FAM184A: variants seen among roughly 807,000 people sequenced by gnomAD.
FAM184A encodes protein FAM184A.
Under a neutral mutation model 143.8 loss-of-function variants are expected in FAM184A, and 99 were observed. The observed-to-expected ratio is 0.69, with a 90% confidence interval of 0.58 to 0.81. The LOEUF (loss-of-function observed/expected upper bound fraction) is 0.81, where lower values mean the gene tolerates loss of function less well. Among genes scored for constraint, FAM184A ranks in the 40% least tolerant of loss-of-function variants. The probability of loss-of-function intolerance (pLI) is 0.00; values close to 1 mark genes in which losing one functional copy is unlikely to be tolerated. For synonymous variants in FAM184A, 427 were observed against 446.4 expected (o/e 0.96, Z 0.55); for missense variants, 1,217 against 1,310.5 (o/e 0.93, Z 1.10).
chr6:119,100,699 G>A lies in FAM184A; in HGVS notation c.-202+48379C>T, dbSNP rs1050407159. On this transcript the variant is annotated intron_variant, in intron 1 of 16. Transcript: ENST00000352896. ...AGGCTGGATGCAGTGGCTCATGCTTGTAATCCCAGCACTTTGGGAGGCCGA... is the reference window on the plus strand; with the variant it reads ...AGGCTGGATGCAGTGGCTCATGCTTATAATCCCAGCACTTTGGGAGGCCGA... 3.3e-5 allele frequency among the ~76,000 whole-genome samples: 5 copies of A among 151,740 alleles called. 1 individual carries two copies. The highest frequency in any genetic ancestry group is 1.2e-4 in the African/African-American group (5 of 41,022).
At position 118,975,015 on chromosome 6, in the gene FAM184A, A is replaced by G. The variant is rs1409114233; in HGVS notation, c.2768+9T>C. 6.2e-7 allele frequency: 1 copy of G among 1,604,790 alleles called. No individual in the cohort carries two copies. The highest frequency in any genetic ancestry group is 2.2e-5 in the East Asian group (1 of 44,742). On this transcript the variant is annotated intron_variant, in intron 13 of 17. Transcript: ENST00000338891. Reference sequence around the variant, plus strand: ...CTGCATATTCCTTCTGTTGTACTTAATGGCATACCTTATCTGTTGGTTAGA... The same window carrying G: ...CTGCATATTCCTTCTGTTGTACTTAGTGGCATACCTTATCTGTTGGTTAGA...
At chr6:119,027,397 A>G (rs1356144584) in intron 1 of FAM184A, among the ~76,000 whole-genome samples, 4 of 152,176 alleles carry the variant, frequency 2.6e-5, no homozygotes, top group Admixed American at 6.5e-5. Context: ...TGGTTTACAT[A>G]AGAAATATAT....
At chr6:119,129,876 T>C (rs996634951) in intron 1 of FAM184A, among the ~76,000 whole-genome samples, 1 of 152,182 alleles carries the variant, frequency 6.6e-6, no homozygotes, top group African/African-American at 2.4e-5. Flanking sequence ...ATCAGAAGCT[T>C]TGGGGATGTG....
At position 119,106,554 on chromosome 6, in the gene FAM184A, C is replaced by T. The variant is rs1398472037; in HGVS notation, c.-202+42524G>A. Among the ~76,000 whole-genome samples, 3 of 152,226 alleles carry T rather than the reference C, an allele frequency of 2.0e-5. No individual in the cohort carries two copies. In the East Asian group the frequency reaches 5.8e-4, roughly 29 times the overall value. ...GTAAGCCAACTACTGGCTATGCCATCAGGCTATTAGTTTAACTTTTATAAC... is the reference window on the plus strand; with the variant it reads ...GTAAGCCAACTACTGGCTATGCCATTAGGCTATTAGTTTAACTTTTATAAC... On this transcript the variant is annotated intron_variant, in intron 1 of 16. Transcript: ENST00000352896.
At chr6:119,043,790 T>A (rs1211207670) in intron 1 of FAM184A, among the ~76,000 whole-genome samples, 1 of 152,238 alleles carries the variant, frequency 6.6e-6, no homozygotes, top group Non-Finnish European at 1.5e-5. Context: ...CAAACAGTGG[T>A]CTGCAACCTG....
chr6:118,968,153 G>A (rs551198088), intron 14 of FAM184A, among the ~76,000 whole-genome samples: 3 of 152,314 alleles, frequency 2.0e-5, no homozygotes, highest in South Asian at 2.1e-4. Context: ...AGATCAGTGC[G>A]AGGTAAGTTG....
At chr6:119,136,487 C>A (rs1049665059) in intron 1 of FAM184A, among the ~76,000 whole-genome samples, 1 of 151,986 alleles carries the variant, frequency 6.6e-6, no homozygotes, top group African/African-American at 2.4e-5. Context: ...ATTTGATAGA[C>A]CCATGTGTCA....
At chr6:119,033,664 CAAA>C (rs532353203) in intron 1 of FAM184A, among the ~76,000 whole-genome samples, 3 of 110,214 alleles carry the variant, frequency 2.7e-5, no homozygotes, top group Admixed American at 9.6e-5. Context: ...GACTCCGTCT[CAAA>C]AAAAAAAAAA....
chr6:119,047,545 G>A lies in FAM184A; in HGVS notation c.160-22732C>T, dbSNP rs185861035. On this transcript the variant is annotated intron_variant, in intron 1 of 17. Transcript: ENST00000338891. Reference sequence around the variant, plus strand: ...ACACAATTGCAAAGATGAAGGGGACGTTACCACTGATCCCACAGAAATAAA... The same window carrying A: ...ACACAATTGCAAAGATGAAGGGGACATTACCACTGATCCCACAGAAATAAA... Among the ~76,000 whole-genome samples, 7 of 152,126 alleles carry A rather than the reference G, an allele frequency of 4.6e-5. No individual in the cohort carries two copies. In the South Asian group the frequency reaches 6.2e-4, roughly 14 times the overall value.
intron 6 of FAM184A, among the ~76,000 whole-genome samples, chr6:119,008,630 CA>C (rs2114653265): frequency 6.6e-6 from 1 of 152,074 alleles, no homozygotes. Context: ...CTGTCATTTG[CA>C]ATAGAAATAA....
chr6:118,966,802 TA>T, intron 15 of FAM184A, 32 bp downstream of exon 15: 2 of 1,036,242 alleles, frequency 1.9e-6, no homozygotes, highest in Non-Finnish European at 2.9e-6. Context: ...TATTGATTAC[TA>T]ACATGGTTAG....
At chr6:119,021,259 A>G (rs987166028) in intron 3 of FAM184A, among the ~76,000 whole-genome samples, 1 of 152,228 alleles carries the variant, frequency 6.6e-6, no homozygotes, top group African/African-American at 2.4e-5. Flanking sequence ...AATCAAAATC[A>G]AATGAGATCC....
At chr6:119,128,219 G>C (rs142988410) in intron 1 of FAM184A, among the ~76,000 whole-genome samples, 118 of 152,280 alleles carry the variant, frequency 7.7e-4, no homozygotes, top group African/African-American at 2.6e-3. Context: ...ACAAGAATTG[G>C]TGGGAAGAAA....
chr6:119,138,475 A>G (rs942942739), intron 1 of FAM184A, among the ~76,000 whole-genome samples: 1 of 152,192 alleles, frequency 6.6e-6, no homozygotes, highest in Non-Finnish European at 1.5e-5. Context: ...ACCAGCTTCT[A>G]GAAGCGACCT....
At chr6:119,062,602 G>A (rs934054120) in intron 1 of FAM184A, among the ~76,000 whole-genome samples, 1 of 152,156 alleles carries the variant, frequency 6.6e-6, no homozygotes, top group Admixed American at 6.5e-5. Context: ...TGAGGCTGCA[G>A]TGAGCTGTGA....
At chr6:119,072,959 C>T (rs1196219829) in intron 1 of FAM184A, among the ~76,000 whole-genome samples, 1 of 152,074 alleles carries the variant, frequency 6.6e-6, no homozygotes, top group Non-Finnish European at 1.5e-5. Context: ...CCACCATCTT[C>T]TTCAGTAAAT....
intron 6 of FAM184A, among the ~76,000 whole-genome samples, chr6:119,010,319 C>T (rs1183713463): frequency 3.9e-5 from 6 of 152,264 alleles, no homozygotes; most frequent in Non-Finnish European, 7.4e-5. Context: ...AAATCCCTTT[C>T]GAGGAAAATT....
intron 6 of FAM184A, among the ~76,000 whole-genome samples, chr6:119,007,762 G>A (rs1057036259): frequency 3.9e-5 from 6 of 152,094 alleles, no homozygotes; most frequent in Non-Finnish European, 5.9e-5. Context: ...CCAACATGGC[G>A]AAACCCCGTC....
rs757111809 is a variant in FAM184A, at chr6:118,975,082, G to T, written c.2710C>A (p.Leu904Met). 6.2e-7 allele frequency: 1 copy of T among 1,613,250 alleles called. No individual in the cohort carries two copies. Among genetic ancestry groups the T allele is most frequent in the East Asian group, 2.2e-5 (1 of 44,762 alleles). Reference sequence around the variant, plus strand: ...AGAATTTCTTTCCCCTTAAATTCCAGTTCTTTGGTTAGGGCACTTATATTC... The same window carrying T: ...AGAATTTCTTTCCCCTTAAATTCCATTTCTTTGGTTAGGGCACTTATATTC... ...HENISALTKE[L>M]EFKGKEILRI... The change falls in exon 13 of 18, where the codon CTG becomes ATG. Residue 904 changes from leucine (L) to methionine (M), a missense_variant. By Grantham distance (15) the Leu-to-Met change is conservative (BLOSUM62 2). Coordinates refer to ENST00000338891, the MANE Select transcript of FAM184A (RefSeq NM_024581.6).
Sources: allele counts gnomAD v4.1 joint callset (sites outside exome capture counted in the v4.1 genomes callset), GRCh38; gene constraint gnomAD v4.1.1; transcripts MANE v1.5; gene names NCBI Gene and HGNC (gene_info 2026-07-23, HGNC 2026-07-21).